GABRB1: variants seen among roughly 807,000 people sequenced by gnomAD.
GABRB1 encodes the protein gamma-aminobutyric acid receptor subunit beta-1.
A neutral mutation model predicts 51.6 loss-of-function variants in GABRB1; 17 were observed. That is an observed-to-expected ratio of 0.33 (90% confidence interval 0.23 to 0.49). The LOEUF (loss-of-function observed/expected upper bound fraction) is 0.49. GABRB1 is among the 20% of genes least tolerant of loss of function. The probability of loss-of-function intolerance (pLI) is 0.99; values close to 1 mark genes in which losing one functional copy is unlikely to be tolerated. For missense variants in GABRB1, 410 were observed against 600.6 expected, an observed-to-expected ratio of 0.68 and a Z score of 3.32; for synonymous variants, 247 against 218.9, an observed-to-expected ratio of 1.13 and a Z score of -1.14.
chr4:47,401,649 G>A lies in GABRB1; in HGVS notation c.545-1669G>A, dbSNP rs147806508. 3.3e-3 allele frequency among the ~76,000 whole-genome samples: 503 copies of A among 152,288 alleles called. 2 individuals carry two copies. Among genetic ancestry groups the A allele is most frequent in the African/African-American group, 0.011 (468 of 41,552 alleles). The stretch of plus-strand genomic sequence containing the variant: ...CTACTTCCTGCTGGGCTTAGGAGAG[G>A]TAACTCATGGTTGAATTGGAATTGG... On this transcript the variant is annotated intron_variant, in intron 5 of 8. Coordinates refer to ENST00000295454, the MANE Select transcript of GABRB1 (RefSeq NM_000812.4).
chr4:47,131,732 T>C (rs184362698), intron 3 of GABRB1, among the ~76,000 whole-genome samples: 21 of 152,338 alleles, frequency 1.4e-4, no homozygotes, highest in African/African-American at 4.8e-4. Flanking sequence ...GGGCCCAGTT[T>C]ATATTTCTAT....
intron 3 of GABRB1, among the ~76,000 whole-genome samples, chr4:47,071,265 G>T (rs1035703961): frequency 2.0e-5 from 3 of 152,184 alleles, no homozygotes; most frequent in Admixed American, 1.3e-4. Flanking sequence ...CTGTGTTTCA[G>T]TACCAAACCT....
At chr4:47,006,389 A>G (rs546193321) in intron 1 of GABRB1, among the ~76,000 whole-genome samples, 1 of 152,156 alleles carries the variant, frequency 6.6e-6, no homozygotes, top group Non-Finnish European at 1.5e-5. Flanking sequence ...AGTACCAAAA[A>G]ATTAAAAATG....
At chr4:47,023,478 T>C (rs2109454608) in intron 1 of GABRB1, among the ~76,000 whole-genome samples, 1 of 152,168 alleles carries the variant, frequency 6.6e-6, no homozygotes, top group Admixed American at 6.5e-5. Context: ...TCAAGTCTTA[T>C]TAAAGTTTTG....
chr4:47,316,874 A>G (rs1231050486), intron 4 of GABRB1, among the ~76,000 whole-genome samples: 1 of 151,994 alleles, frequency 6.6e-6, no homozygotes, highest in East Asian at 1.9e-4. Flanking sequence ...GCAATAAAAA[A>G]TAAATTGGTA....
intron 3 of GABRB1, among the ~76,000 whole-genome samples, chr4:47,063,171 T>A (rs1390626711): frequency 6.6e-6 from 1 of 152,068 alleles, no homozygotes; most frequent in African/African-American, 2.4e-5. Context: ...TTGGCTGGAA[T>A]GAGATTAACC....
In GABRB1 at chr4:47,323,103, G is replaced by A. The variant is rs35747931; in HGVS notation, c.544+2894G>A. Among the ~76,000 whole-genome samples the A allele has an allele frequency of 2.3e-3, 344 of 152,238 alleles. 2 individuals carry two copies. The highest frequency in any genetic ancestry group is 4.2e-3 in the Non-Finnish European group (289 of 68,008). On this transcript the variant is annotated intron_variant, in intron 5 of 8. Coordinates refer to ENST00000295454, the MANE Select transcript of GABRB1 (RefSeq NM_000812.4). ...GGTCTGTATTTCCTAAACTATCCCT[G>A]ATAAAGTTCAGTATAGATCCCAGAA...
In GABRB1 at chr4:47,076,982, G is replaced by T. The variant is rs148782204; in HGVS notation, c.240+44498G>T. Reference sequence around the variant, plus strand: ...GGGTTAACAACCTCTCATGTCATAGGCTAGGCTATAAAATCACATCAGTGG... The same window carrying T: ...GGGTTAACAACCTCTCATGTCATAGTCTAGGCTATAAAATCACATCAGTGG... On this transcript the variant is annotated intron_variant, in intron 3 of 8. Transcript: ENST00000295454. Among the ~76,000 whole-genome samples the T allele has an allele frequency of 1.4e-4, 22 of 152,254 alleles. No homozygotes were observed. In the East Asian group the frequency reaches 4.1e-3, roughly 28 times the overall value.
At chr4:47,280,813 A>ATT (rs1723264371) in intron 4 of GABRB1, among the ~76,000 whole-genome samples, 7 of 140,982 alleles carry the variant, frequency 5.0e-5, no homozygotes, top group African/African-American at 1.6e-4. Flanking sequence ...ATGTCTGGCT[A>ATT]ATTTTTTTTT....
At chr4:47,259,155 C>T (rs1178326516) in intron 4 of GABRB1, among the ~76,000 whole-genome samples, 1 of 152,070 alleles carries the variant, frequency 6.6e-6, no homozygotes, top group Non-Finnish European at 1.5e-5. Flanking sequence ...CCCCATTTAA[C>T]AATCCCAGCA....
At chr4:47,115,475 T>G (rs1272006550) in intron 3 of GABRB1, among the ~76,000 whole-genome samples, 1 of 151,756 alleles carries the variant, frequency 6.6e-6, no homozygotes, top group Non-Finnish European at 1.5e-5. Flanking sequence ...AAATGTGAAT[T>G]GGAACAATTG....
At position 47,061,785 on chromosome 4, in the gene GABRB1, A is replaced by G. The variant is rs547945557; in HGVS notation, c.240+29301A>G. Among the ~76,000 whole-genome samples, 4 of 152,198 alleles carry G rather than the reference A, an allele frequency of 2.6e-5. No individual in the cohort carries two copies. The East Asian group carries it at 5.8e-4, about 22-fold the overall frequency. On this transcript the variant is annotated intron_variant, in intron 3 of 8. Transcript: ENST00000295454. ...TTTATCAACCTATGATTTCTCCTCA[A>G]AATGCTCATCACTGTGTGACTGTCT...
chr4:47,281,189 G>A (rs557032087), intron 4 of GABRB1, among the ~76,000 whole-genome samples: 1 of 152,162 alleles, frequency 6.6e-6, no homozygotes, highest in African/African-American at 2.4e-5. Context: ...AACTCAAATA[G>A]CACAGTAGCG....
chr4:47,250,363 T>G (rs1721939762), intron 4 of GABRB1, among the ~76,000 whole-genome samples: 1 of 152,184 alleles, frequency 6.6e-6, no homozygotes, highest in South Asian at 2.1e-4. Flanking sequence ...ACCTGGAGCT[T>G]CTGTCTCACA....
chr4:47,207,956 C>A (rs984780457), intron 4 of GABRB1, among the ~76,000 whole-genome samples: 39 of 152,028 alleles, frequency 2.6e-4, no homozygotes, highest in Non-Finnish European at 2.5e-4. Context: ...AATTACCTAA[C>A]TCCTGGCATG....
chr4:47,170,976 A>T (rs1456752189), intron 4 of GABRB1, among the ~76,000 whole-genome samples: 3 of 152,148 alleles, frequency 2.0e-5, no homozygotes, highest in Non-Finnish European at 4.4e-5. Flanking sequence ...GATGTTCTTT[A>T]TTCATTTATG....
At position 47,426,097 on chromosome 4, in the gene GABRB1, T is replaced by C; in HGVS notation, c.*79T>C. ...CCTTACAGGTCCCCAACAGCGATACTGCTGTTTCTCGAGGTAAGAGATTCA... is the reference window on the plus strand; with the variant it reads ...CCTTACAGGTCCCCAACAGCGATACCGCTGTTTCTCGAGGTAAGAGATTCA... On this transcript the variant is annotated 3_prime_UTR_variant, in exon 9 of 9. Coordinates refer to ENST00000295454, the MANE Select transcript of GABRB1 (RefSeq NM_000812.4). 3.4e-6 allele frequency: 4 copies of C among 1,160,676 alleles called. No individual in the cohort carries two copies. The highest frequency in any genetic ancestry group is 3.1e-5 in the South Asian group (2 of 64,356). The allele number at this position is 1,160,676 out of a possible 1,614,324, so 71.9% of individuals were successfully genotyped here.
At position 47,173,168 on chromosome 4, in the gene GABRB1, G is replaced by C. The variant is rs1718516329; in HGVS notation, c.461+11699G>C. Reference sequence around the variant, plus strand: ...AAGTTGTATAAAGTTGCTTAAAGCTGAGTTAGTTGTTTGTTCGTTTTAAAC... The same window carrying C: ...AAGTTGTATAAAGTTGCTTAAAGCTCAGTTAGTTGTTTGTTCGTTTTAAAC... On this transcript the variant is annotated intron_variant, in intron 4 of 8. Transcript: ENST00000295454. Among the ~76,000 whole-genome samples the C allele has an allele frequency of 2.0e-5, 3 of 152,106 alleles. No individual in the cohort carries two copies. In the South Asian group the frequency reaches 6.2e-4, roughly 32 times the overall value.
At chr4:47,375,937 G>A (rs1578131810) in intron 5 of GABRB1, among the ~76,000 whole-genome samples, 1 of 152,292 alleles carries the variant, frequency 6.6e-6, no homozygotes, top group African/African-American at 2.4e-5. Flanking sequence ...AATGTTTGGA[G>A]GAGAAGATGA....
Sources: gnomAD v4.1 joint callset for allele counts (sites outside exome capture counted in the v4.1 genomes callset) on GRCh38, gnomAD v4.1.1 for gene constraint, MANE v1.5 for transcripts, NCBI Gene and HGNC (gene_info 2026-07-23, HGNC 2026-07-21) for gene names.